MYZAP: variants seen among roughly 807,000 people sequenced by gnomAD.
The protein encoded by MYZAP is GRINL1A complex locus upstream.
Under a neutral mutation model 69.4 loss-of-function variants are expected in MYZAP, and 66 were observed. The ratio of observed to expected loss-of-function variants is 0.95; its 90% CI spans 0.78 to 1.17. The LOEUF is 1.17. MYZAP is among the 50% of genes most tolerant of loss of function. The pLI, the probability that MYZAP is intolerant of heterozygous loss-of-function variation, is 0.00. For missense variants in MYZAP, 611 were observed against 556.2 expected, an observed-to-expected ratio of 1.10 and a Z score of -0.99; for synonymous variants, 256 against 205.9, an observed-to-expected ratio of 1.24 and a Z score of -2.09.
intron 2 of MYZAP, among the ~76,000 whole-genome samples, chr15:57,615,204 A>T (rs1225326070): frequency 6.6e-6 from 1 of 152,266 alleles, no homozygotes; most frequent in East Asian, 1.9e-4. Context: ...ACATAAAGGA[A>T]AAAGTGAAAT....
At chr15:57,629,919 C>T in intron 6 of MYZAP, 65 bp downstream of exon 6, 3 of 1,542,766 alleles carry the variant, frequency 1.9e-6, no homozygotes, top group East Asian at 2.4e-5. Flanking sequence ...TCCCTTTTCT[C>T]TTCCCATCTT....
rs145861938 is a variant in MYZAP, at chr15:57,647,773, C to A, written c.1119+8228C>A. ...CCTGGGTCCTAGGCTCATTGTTGATCTTCTTAGATCTGGGTTCCTTGCATT... is the reference window on the plus strand; with the variant it reads ...CCTGGGTCCTAGGCTCATTGTTGATATTCTTAGATCTGGGTTCCTTGCATT... On this transcript the variant is annotated intron_variant, in intron 10 of 12. Transcript: ENST00000267853. 3.0e-5 allele frequency: 30 copies of A among 985,420 alleles called. No individual in the cohort carries two copies. The African/African-American group carries it at 5.2e-4, about 17-fold the overall frequency. 61.0% of individuals were successfully genotyped at this position (985,420 alleles called of 1,614,324 possible). A position where few individuals can be genotyped will look rare whatever the true frequency, so the allele number is the denominator to read the frequency against.
Position 57,671,731 on chromosome 15 carries a change from G to T in MYZAP, c.1204-3237G>T, listed in dbSNP as rs576033712. On this transcript the variant is annotated intron_variant, in intron 11 of 12. Coordinates refer to ENST00000267853, the MANE Select transcript of MYZAP (RefSeq NM_001018100.5). ...TTTCCTGTTCTAAAATTTTCATTTA[G>T]TTCTTTTTTGTATTTTCTATTTTTT... Among the ~76,000 whole-genome samples the T allele has an allele frequency of 2.0e-5, 3 of 151,670 alleles. No individual in the cohort carries two copies. The South Asian group carries it at 6.3e-4, about 32-fold the overall frequency.
At chr15:57,626,379 C>G (rs1442544945) in intron 5 of MYZAP, among the ~76,000 whole-genome samples, 2 of 152,172 alleles carry the variant, frequency 1.3e-5, no homozygotes, top group East Asian at 1.9e-4. Flanking sequence ...TATTCCACGT[C>G]TTGTAGTAGC....
intron 4 of MYZAP, among the ~76,000 whole-genome samples, chr15:57,624,851 A>G (rs944992899): frequency 2.6e-5 from 4 of 151,396 alleles, no homozygotes; most frequent in Non-Finnish European, 5.9e-5. Context: ...TTCTGTCTCC[A>G]CTCCCCAGAG....
At chr15:57,634,661 C>A (rs188090361) in intron 8 of MYZAP, among the ~76,000 whole-genome samples, 1 of 152,204 alleles carries the variant, frequency 6.6e-6, no homozygotes, top group Non-Finnish European at 1.5e-5. Context: ...GGCGAGGTGT[C>A]GCCACTATGG....
intron 1 of MYZAP, among the ~76,000 whole-genome samples, chr15:57,598,184 TGAG>T (rs1349998979): frequency 6.6e-6 from 1 of 152,114 alleles, no homozygotes; most frequent in African/African-American, 2.4e-5. Context: ...ACCCCGTAGG[TGAG>T]ACCCAGGCCC....
chr15:57,658,363 T>A (rs1555462777), intron 10 of MYZAP, among the ~76,000 whole-genome samples: 1 of 152,196 alleles, frequency 6.6e-6, no homozygotes, highest in Non-Finnish European at 1.5e-5. Context: ...CTAACAAAAT[T>A]AATGATAATT....
chr15:57,621,560 T>C lies in MYZAP; in HGVS notation c.319-48T>C, dbSNP rs2035818899. On this transcript the variant is annotated intron_variant, in intron 3 of 12. Coordinates refer to ENST00000267853, the MANE Select transcript of MYZAP (RefSeq NM_001018100.5). ...TCTTAAAAGTTTTAGAAATCTTGTA[T>C]GAAAATGTTATGGCTTGATCTCTAA... 8 of 1,585,578 alleles carry C rather than the reference T, an allele frequency of 5.0e-6. No individual in the cohort carries two copies. In the Admixed American group the frequency reaches 7.1e-5, roughly 14 times the overall value.
At chr15:57,599,275 T>G in intron 1 of MYZAP, 1 of 181,782 alleles carries the variant, frequency 5.5e-6, no homozygotes, top group Non-Finnish European at 1.1e-5. Flanking sequence ...TCTCTACACC[T>G]TGTATTGGTT....
intron 10 of MYZAP, among the ~76,000 whole-genome samples, chr15:57,649,124 G>T (rs187805450): frequency 8.2e-4 from 124 of 152,056 alleles, no homozygotes; most frequent in Non-Finnish European, 2.9e-4. Context: ...CCTTTTATTT[G>T]AATATATTGT....
intron 11 of MYZAP, among the ~76,000 whole-genome samples, chr15:57,673,753 T>G (rs2038988340): frequency 1.3e-5 from 2 of 152,214 alleles, no homozygotes; most frequent in Non-Finnish European, 2.9e-5. Flanking sequence ...CGGGAGCTAC[T>G]GAATGTTTAA....
At chr15:57,665,384 T>C (rs2038517523) in intron 11 of MYZAP, among the ~76,000 whole-genome samples, 1 of 152,250 alleles carries the variant, frequency 6.6e-6, no homozygotes. Flanking sequence ...AGAGTTTAAG[T>C]GTCATAAGCT....
rs1178478548 is a variant in MYZAP at position 57,661,534 on chromosome 15, G to GT, written c.1203+2dup. 1.2e-6 allele frequency: 2 copies of GT among 1,607,404 alleles called. No individual in the cohort carries two copies. The highest frequency in any genetic ancestry group is 1.7e-6 in the Non-Finnish European group (2 of 1,177,588). ...AAAGATATCTTTCTTAGAAGGAGAG[G>GT]TAAGGATCTCTGTTTCTTTAAGTTG... On this transcript the variant is annotated splice_donor_variant, in intron 11 of 12. Coordinates refer to ENST00000267853, the MANE Select transcript of MYZAP (RefSeq NM_001018100.5). LOFTEE classifies it high-confidence loss of function.
chr15:57,623,667 A>G (rs111623127), intron 4 of MYZAP, among the ~76,000 whole-genome samples: 286 of 151,670 alleles, frequency 1.9e-3, no homozygotes, highest in African/African-American at 6.7e-3. Context: ...TGGGAGGTGG[A>G]GGTTGCAGTG....
chr15:57,618,194 C>T lies in MYZAP; in HGVS notation c.318+6C>T. On this transcript the variant is annotated splice_donor_region_variant and intron_variant, in intron 3 of 12. Coordinates refer to ENST00000267853, the MANE Select transcript of MYZAP (RefSeq NM_001018100.5). ...AGATGAACTACATCAAAGATGTGAG[C>T]CATTTAAGAGTTTTTGCCCCCCACC... The T allele has an allele frequency of 6.2e-7, 1 of 1,612,494 alleles. No homozygotes were observed. Among genetic ancestry groups the T allele is most frequent in the Non-Finnish European group, 8.5e-7 (1 of 1,179,394 alleles).
chr15:57,651,933 A>G (rs1355019738), intron 10 of MYZAP, among the ~76,000 whole-genome samples: 1 of 152,176 alleles, frequency 6.6e-6, no homozygotes, highest in Non-Finnish European at 1.5e-5. Context: ...CTTTAATATA[A>G]GATAGAAATC....
chr15:57,668,601 G>A (rs1327761741), intron 11 of MYZAP, among the ~76,000 whole-genome samples: 3 of 152,112 alleles, frequency 2.0e-5, no homozygotes, highest in Non-Finnish European at 1.5e-5. Flanking sequence ...TGGTTTTAAT[G>A]TGCATTTCCT....
chr15:57,611,133 T>G (rs2035079187), intron 2 of MYZAP, among the ~76,000 whole-genome samples: 1 of 152,176 alleles, frequency 6.6e-6, no homozygotes, highest in Non-Finnish European at 1.5e-5. Context: ...GTTTTGTGTG[T>G]TTTATTCTGT....
Sources: allele counts gnomAD v4.1 joint callset (sites outside exome capture counted in the v4.1 genomes callset), GRCh38; gene constraint gnomAD v4.1.1; transcripts MANE v1.5; gene names NCBI Gene and HGNC (gene_info 2026-07-23, HGNC 2026-07-21).